PCDH15: variants seen among roughly 807,000 people sequenced by gnomAD.
The protein encoded by PCDH15 is protocadherin-15.
A neutral mutation model predicts 178.5 loss-of-function variants in PCDH15; 129 were observed. The observed-to-expected ratio is 0.72, with a 90% CI of 0.63 to 0.84. The LOEUF (loss-of-function observed/expected upper bound fraction) is 0.84, where lower values mean the gene tolerates loss of function less well. PCDH15 is among the 40% of genes least tolerant of loss of function. The pLI, the probability that PCDH15 is intolerant of heterozygous loss-of-function variation, is 0.00. For missense variants in PCDH15, 2,230 were observed against 2,099.9 expected (o/e 1.06, Z -1.21); for synonymous variants, 800 against 732.0 (o/e 1.09, Z -1.50).
chr10:55,437,546 A>G (rs982782581), intron 2 of PCDH15, among the ~76,000 whole-genome samples: 2 of 152,186 alleles, frequency 1.3e-5, no homozygotes. Context: ...AAATGGCCCT[A>G]TTTATACAAG....
intron 1 of PCDH15, among the ~76,000 whole-genome samples, chr10:54,723,848 C>T (rs2152568): frequency 1 from 151,884 of 151,890 alleles, 75,939 homozygotes; most frequent in Middle Eastern, 1. Flanking sequence ...GATATAATCT[C>T]ACCCAGTCAG....
intron 2 of PCDH15, among the ~76,000 whole-genome samples, chr10:55,048,318 G>A (rs939294572): frequency 6.6e-5 from 10 of 151,828 alleles, no homozygotes; most frequent in African/African-American, 2.2e-4. Context: ...AAAGCTATAA[G>A]ATAAAGGACT....
At chr10:55,325,139 A>T (rs185035664) in intron 2 of PCDH15, among the ~76,000 whole-genome samples, 116 of 152,350 alleles carry the variant, frequency 7.6e-4, no homozygotes, top group Admixed American at 1.8e-3. Context: ...TAAAATGGTC[A>T]TACTGCCCAA....
chr10:55,318,700 T>C (rs1843797156), intron 1 of PCDH15, among the ~76,000 whole-genome samples: 1 of 152,084 alleles, frequency 6.6e-6, no homozygotes, highest in Admixed American at 6.5e-5. Context: ...GAGAAAATAT[T>C]TGAAAGTATA....
rs776335754 is a variant in PCDH15, at chr10:54,384,132, C to T, written c.158-5190G>A. On this transcript the variant is annotated intron_variant, in intron 3 of 37. Coordinates refer to ENST00000644397, the MANE Select transcript of PCDH15 (RefSeq NM_001384140.1). ...TACAGGCGTGAGCTACTGCATCCAG[C>T]CAAAAATATGGTTTTAAAATGTATG... Among the ~76,000 whole-genome samples, 67 of 151,772 alleles carry T rather than the reference C, an allele frequency of 4.4e-4. 1 individual carries two copies. Among genetic ancestry groups the T allele is most frequent in the Non-Finnish European group, 8.5e-4 (58 of 67,936 alleles).
chr10:54,347,123 G>T (rs138078561), intron 5 of PCDH15, among the ~76,000 whole-genome samples: 27 of 152,250 alleles, frequency 1.8e-4, no homozygotes, highest in Non-Finnish European at 3.1e-4. Flanking sequence ...GATTTGATGT[G>T]TGACCTAAAT....
chr10:55,606,610 G>C (rs1224790059), intron 2 of PCDH15, among the ~76,000 whole-genome samples: 3 of 148,326 alleles, frequency 2.0e-5, no homozygotes, highest in Admixed American at 6.8e-5. Flanking sequence ...ACAAGTATCT[G>C]ATCTTTGACA....
chr10:53,976,870 T>G (rs1360311347), intron 21 of PCDH15, among the ~76,000 whole-genome samples: 1 of 151,956 alleles, frequency 6.6e-6, no homozygotes, highest in Non-Finnish European at 1.5e-5. Context: ...ATCTGAGTTA[T>G]TTTCTAAGGA....
At chr10:55,306,548 C>T (rs1843431372) in intron 1 of PCDH15, among the ~76,000 whole-genome samples, 1 of 152,088 alleles carries the variant, frequency 6.6e-6, no homozygotes, top group Admixed American at 6.6e-5. Context: ...ATAGAGCATT[C>T]TCAGGACTGC....
intron 2 of PCDH15, among the ~76,000 whole-genome samples, chr10:55,066,799 A>C (rs1841577317): frequency 6.6e-6 from 1 of 151,084 alleles, no homozygotes; most frequent in African/African-American, 2.4e-5. Context: ...TAATTTATTA[A>C]TTTATAAATT....
chr10:54,892,169 C>G (rs555153305), intron 3 of PCDH15, among the ~76,000 whole-genome samples: 4 of 152,134 alleles, frequency 2.6e-5, no homozygotes, highest in Admixed American at 6.6e-5. Flanking sequence ...CAAAAGAGAC[C>G]AAATAATGCA....
At chr10:53,991,970 C>A (rs1417864282) in intron 21 of PCDH15, among the ~76,000 whole-genome samples, 1 of 152,104 alleles carries the variant, frequency 6.6e-6, no homozygotes, top group African/African-American at 2.4e-5. Context: ...GGTCCCCTTC[C>A]ACCCTGTGGA....
chr10:54,731,394 T>C (rs1943310159), intron 1 of PCDH15, among the ~76,000 whole-genome samples: 1 of 150,094 alleles, frequency 6.7e-6, no homozygotes, highest in African/African-American at 2.4e-5. Context: ...TACTATATGA[T>C]CCAGCATTTC....
chr10:55,470,098 C>T (rs181633701), intron 2 of PCDH15, among the ~76,000 whole-genome samples: 47 of 152,184 alleles, frequency 3.1e-4, no homozygotes, highest in African/African-American at 9.9e-4. Context: ...TGCCTGTAAT[C>T]CCAGAACTTT....
intron 1 of PCDH15, among the ~76,000 whole-genome samples, chr10:54,724,382 C>T (rs373881352): frequency 7.3e-5 from 11 of 151,438 alleles, no homozygotes; most frequent in East Asian, 3.9e-4. Flanking sequence ...CAAAAATGAG[C>T]GAGGGTAGAA....
At chr10:54,692,025 C>T (rs2095131016) in intron 1 of PCDH15, among the ~76,000 whole-genome samples, 2 of 152,018 alleles carry the variant, frequency 1.3e-5, no homozygotes, top group East Asian at 3.9e-4. Context: ...TATTCCAGAG[C>T]TGATAATTTA....
At chr10:53,825,084 A>C in intron 32 of PCDH15, 1 of 1,512,392 alleles carries the variant, frequency 6.6e-7, no homozygotes, top group Non-Finnish European at 8.9e-7. Context: ...AATCTGTTCT[A>C]TTGTATCTAT....
intron 21 of PCDH15, among the ~76,000 whole-genome samples, chr10:53,984,657 T>C (rs897390461): frequency 6.6e-6 from 1 of 152,232 alleles, no homozygotes; most frequent in African/African-American, 2.4e-5. Flanking sequence ...AAATATTACC[T>C]ATAGTTTATG....
At chr10:54,899,593 T>C (rs1023410101) in intron 2 of PCDH15, among the ~76,000 whole-genome samples, 1 of 151,024 alleles carries the variant, frequency 6.6e-6, no homozygotes, top group African/African-American at 2.4e-5. Context: ...GCCTCCCGGG[T>C]TCAAGCAATT....
Sources: gnomAD v4.1 joint callset for allele counts (sites outside exome capture counted in the v4.1 genomes callset) on GRCh38, gnomAD v4.1.1 for gene constraint, MANE v1.5 for transcripts, NCBI Gene and HGNC (gene_info 2026-07-23, HGNC 2026-07-21) for gene names.